WNT2B: variants seen among roughly 807,000 people sequenced by gnomAD.
WNT2B encodes the protein Wnt family member 2B.
Under a neutral mutation model 40.5 loss-of-function variants are expected in WNT2B, and 19 were observed. The observed-to-expected ratio is 0.47, with a 90% CI of 0.33 to 0.69. The LOEUF (loss-of-function observed/expected upper bound fraction) is 0.69, where lower values mean the gene tolerates loss of function less well. Among genes scored for constraint, WNT2B ranks in the 30% least tolerant of loss-of-function variants. The probability of loss-of-function intolerance (pLI) is 0.02; values close to 1 mark genes in which losing one functional copy is unlikely to be tolerated. For missense variants in WNT2B, 467 were observed against 556.4 expected, an observed-to-expected ratio of 0.84 and a Z score of 1.62; for synonymous variants, 220 against 211.9, an observed-to-expected ratio of 1.04 and a Z score of -0.33.
At chr1:112,473,730 A>T (rs1276594416) in intron 1 of WNT2B, among the ~76,000 whole-genome samples, 1 of 152,070 alleles carries the variant, frequency 6.6e-6, no homozygotes, top group Non-Finnish European at 1.5e-5. Flanking sequence ...AATAAATATA[A>T]GCATAAGAAA....
upstream of WNT2B, chr1:112,508,785 T>TG: frequency 2.0e-6 from 2 of 987,342 alleles, no homozygotes; most frequent in South Asian, 4.7e-5. The surrounding 1 kb of genome is among the most constrained non-coding windows in gnomAD (Gnocchi z 4.2). Flanking sequence ...CGGGAGCAGG[T>TG]GGGGGTGCAG....
intron 1 of WNT2B, among the ~76,000 whole-genome samples, chr1:112,511,113 G>A (rs896566713): frequency 2.0e-5 from 3 of 152,108 alleles, no homozygotes; most frequent in Non-Finnish European, 4.4e-5. Flanking sequence ...AGACCCAAAT[G>A]GGGGTCTTCC....
At chr1:112,486,720 C>T (rs2101060990) in intron 1 of WNT2B, among the ~76,000 whole-genome samples, 1 of 150,724 alleles carries the variant, frequency 6.6e-6, no homozygotes, top group Non-Finnish European at 1.5e-5. Context: ...AAAAGACATA[C>T]AGTAGGCAAA....
intron 1 of WNT2B, among the ~76,000 whole-genome samples, chr1:112,490,803 C>G (rs542382517): frequency 6.6e-6 from 1 of 152,168 alleles, no homozygotes; most frequent in East Asian, 1.9e-4. Context: ...AACTCATATT[C>G]TTAATGAAAA....
chr1:112,516,245 C>A lies in WNT2B; in HGVS notation c.509C>A (p.Pro170His). 1 of 1,613,982 alleles carries A rather than the reference C, an allele frequency of 6.2e-7. No homozygotes were observed. Among genetic ancestry groups the A allele is most frequent in the Non-Finnish European group, 8.5e-7 (1 of 1,179,974 alleles). Residue 170 changes from proline (P) to histidine (H), a missense_variant, in exon 3 of 5, where the codon CCC (proline) becomes CAC (histidine). Pro to His is a moderately conservative substitution (Grantham distance 77, BLOSUM62 -2). Coordinates refer to ENST00000369684, the MANE Select transcript of WNT2B (RefSeq NM_024494.3). ...GAACTGAGTGTGTGCAGCTGTGACC[C>A]CTACACCCGTGGCCGACACCATGAC... ...QGELSVCSCD[P>H]YTRGRHHDQR...
intron 1 of WNT2B, among the ~76,000 whole-genome samples, chr1:112,512,413 G>A (rs536355445): frequency 6.6e-6 from 1 of 152,202 alleles, no homozygotes; most frequent in Admixed American, 6.5e-5. Flanking sequence ...TAGGCCTTGG[G>A]TGGGGCCTGA....
intron 1 of WNT2B, among the ~76,000 whole-genome samples, chr1:112,479,488 C>T (rs943572573): frequency 4.0e-5 from 6 of 151,724 alleles, no homozygotes; most frequent in African/African-American, 1.2e-4. Context: ...GCAGGAGAAT[C>T]GCTGGAACCT....
intron 4 of WNT2B, 57 bp downstream of exon 4, chr1:112,517,442 T>C: frequency 1.3e-6 from 2 of 1,548,338 alleles, no homozygotes; most frequent in Non-Finnish European, 1.7e-6. Context: ...CAGGCACCCC[T>C]GGTTAATCAT....
At chr1:112,486,892 A>G (rs188348107) in intron 1 of WNT2B, among the ~76,000 whole-genome samples, 1 of 152,358 alleles carries the variant, frequency 6.6e-6, no homozygotes, top group African/African-American at 2.4e-5. Context: ...TGATACAACA[A>G]CTTTGGAACA....
At chr1:112,503,253 G>A (rs1022068555) in intron 1 of WNT2B, among the ~76,000 whole-genome samples, 8 of 152,104 alleles carry the variant, frequency 5.3e-5, no homozygotes, top group South Asian at 2.1e-4. Flanking sequence ...GCAGAAAGAC[G>A]GTCGGTCCCA....
At chr1:112,508,723 G>A (rs2101080851), upstream of WNT2B, 1 of 986,050 alleles carries the variant, frequency 1.0e-6, no homozygotes, top group Non-Finnish European at 1.2e-6. This position sits in a 1 kb window ranked among gnomAD's most constrained non-coding sequence, Gnocchi z 4.2. Context: ...GTGTCGGCAG[G>A]GACTGGGCGC....
Position 112,528,593 on chromosome 1 carries a change from A to AAT in WNT2B, c.*8087_*8088dup, listed in dbSNP as rs1653848346. ...ATTCTGGGCTAAGTAAGAGATATCA[A>AAT]ATATCCTATCCAGTACTGTGATACA... is the stretch of plus-strand genomic sequence containing the variant. On this transcript the variant is annotated 3_prime_UTR_variant, in exon 5 of 5. Transcript: ENST00000369684. 1 of 152,230 alleles carries AAT rather than the reference A, an allele frequency of 6.6e-6. No homozygotes were observed. The highest frequency in any genetic ancestry group is 1.5e-5 in the Non-Finnish European group (1 of 68,044). 9.4% of individuals were successfully genotyped at this position (152,230 alleles called of 1,614,324 possible).
intron 1 of WNT2B, among the ~76,000 whole-genome samples, chr1:112,484,278 T>TATAC (rs1553230291): frequency 2.9e-5 from 4 of 139,280 alleles, no homozygotes; most frequent in African/African-American, 7.9e-5. Flanking sequence ...TACACATATA[T>TATAC]ATATATATAT....
chr1:112,527,948 G>T lies in WNT2B; in HGVS notation c.*7439G>T, dbSNP rs1271690714. On this transcript the variant is annotated 3_prime_UTR_variant, in exon 5 of 5. Transcript: ENST00000369684. ...TCATCAATAGGCCTTCAAAATATTT[G>T]TGTGTAATAAGTAGACACAAGAGGC... 6.6e-6 allele frequency: 1 copy of T among 152,176 alleles called. No homozygotes were observed. Among genetic ancestry groups the T allele is most frequent in the Non-Finnish European group, 1.5e-5 (1 of 68,024 alleles). The allele number at this position is 152,176 out of a possible 1,614,324, so 9.4% of individuals were successfully genotyped here.
rs553739617 is a variant in WNT2B, at chr1:112,528,150, T to A, written c.*7641T>A. 6.6e-6 allele frequency: 1 copy of A among 152,254 alleles called. No individual in the cohort carries two copies. The highest frequency in any genetic ancestry group is 6.5e-5 in the Admixed American group (1 of 15,298). 9.4% of individuals were successfully genotyped at this position (152,254 alleles called of 1,614,324 possible). ...ATTCCACAGGAGGTGACTTTTGAGT[T>A]GAATTTTTAAAAGATAGCTTTATGT... On this transcript the variant is annotated 3_prime_UTR_variant, in exon 5 of 5. Coordinates refer to ENST00000369684, the MANE Select transcript of WNT2B (RefSeq NM_024494.3).
chr1:112,486,211 G>A (rs1570770448), intron 1 of WNT2B, among the ~76,000 whole-genome samples: 1 of 151,776 alleles, frequency 6.6e-6, no homozygotes, highest in East Asian at 1.9e-4. Flanking sequence ...GGGAGGCCAA[G>A]GCAGGTGGAT....
chr1:112,507,997 C>T (rs568531745), upstream of WNT2B, among the ~76,000 whole-genome samples: 7 of 152,208 alleles, frequency 4.6e-5, no homozygotes, highest in South Asian at 1.5e-3. Context: ...ACCTCCCCAC[C>T]CCTTCCCTAT....
At chr1:112,490,691 G>A (rs1232097975) in intron 1 of WNT2B, among the ~76,000 whole-genome samples, 3 of 152,022 alleles carry the variant, frequency 2.0e-5, no homozygotes, top group East Asian at 1.9e-4. Flanking sequence ...GGCTTTCACC[G>A]TGTTAGCCAG....
intron 1 of WNT2B, among the ~76,000 whole-genome samples, chr1:112,495,203 C>G (rs1651723180): frequency 6.6e-6 from 1 of 151,186 alleles, no homozygotes; most frequent in Admixed American, 6.6e-5. Flanking sequence ...CCACAAAAGG[C>G]AGATAAAAGA....
Sources: allele counts gnomAD v4.1 joint callset (sites outside exome capture counted in the v4.1 genomes callset), GRCh38; gene constraint gnomAD v4.1.1; non-coding constraint Gnocchi (gnomAD v3.1); transcripts MANE v1.5; gene names NCBI Gene and HGNC (gene_info 2026-07-23, HGNC 2026-07-21).